The following KIAA0825 variants were observed in gnomAD, a reference collection of about 807,000 sequenced individuals.
KIAA0825 encodes the protein uncharacterized protein KIAA0825.
KIAA0825 carries 119 observed loss-of-function variants against 147.6 expected under a neutral mutation model. The ratio of observed to expected loss-of-function variants is 0.81; its 90% CI spans 0.69 to 0.94. KIAA0825 has a LOEUF of 0.94. Ranked by LOEUF, KIAA0825 falls within the 40% of genes least tolerant of loss-of-function variation. The pLI, the probability that KIAA0825 is intolerant of heterozygous loss-of-function variation, is 0.00. For missense variants in KIAA0825, 1,381 were observed against 1,472.7 expected (o/e 0.94, Z 1.02); for synonymous variants, 470 against 518.1 (o/e 0.91, Z 1.26).
In KIAA0825 at chr5:94,529,681, T is replaced by C. The variant is rs568250157; in HGVS notation, c.132-5583A>G. 2.4e-4 allele frequency among the ~76,000 whole-genome samples: 37 copies of C among 152,216 alleles called. 1 individual carries two copies. The South Asian group carries it at 4.3e-3, about 18-fold the overall frequency. ...GAGAAAGTTTTCCTCTTCACTGCTC[T>C]CTCTACTATTTGAAATTTTATCCTG... On this transcript the variant is annotated intron_variant, in intron 3 of 20. Transcript: ENST00000682413.
At chr5:94,548,792 C>T (rs1162963593) in intron 2 of KIAA0825, among the ~76,000 whole-genome samples, 1 of 151,906 alleles carries the variant, frequency 6.6e-6, no homozygotes, top group African/African-American at 2.4e-5. Context: ...TTGTATCAGA[C>T]AAAATAGATT....
At chr5:94,359,663 G>A (rs2150398292) in intron 20 of KIAA0825, among the ~76,000 whole-genome samples, 1 of 152,310 alleles carries the variant, frequency 6.6e-6, no homozygotes, top group Admixed American at 6.5e-5. Flanking sequence ...CCGTGGGCTT[G>A]AATTATTGCT....
chr5:94,559,363 AC>A (rs770401062), intron 2 of KIAA0825, among the ~76,000 whole-genome samples: 6 of 152,174 alleles, frequency 3.9e-5, no homozygotes, highest in Admixed American at 6.5e-5. Context: ...CTTCCCTCTT[AC>A]GTTTTCTATG....
At chr5:94,472,099 AT>A (rs2150992397) in intron 8 of KIAA0825, among the ~76,000 whole-genome samples, 1 of 152,286 alleles carries the variant, frequency 6.6e-6, no homozygotes, top group East Asian at 1.9e-4. Context: ...CGTTTGCATT[AT>A]TTTTTAAACT....
chr5:94,267,340 A>G (rs1024222793), intron 20 of KIAA0825, among the ~76,000 whole-genome samples: 2 of 152,204 alleles, frequency 1.3e-5, no homozygotes, highest in Admixed American at 6.5e-5. Context: ...GACTCAATCA[A>G]CATATTTATT....
At chr5:94,608,773 A>C (rs1384119547) in intron 1 of KIAA0825, among the ~76,000 whole-genome samples, 1 of 151,540 alleles carries the variant, frequency 6.6e-6, no homozygotes, top group African/African-American at 2.4e-5. Flanking sequence ...TCCAAGCAAA[A>C]ATTAGAATTT....
intron 20 of KIAA0825, among the ~76,000 whole-genome samples, chr5:94,363,365 G>A (rs915473529): frequency 1.3e-5 from 2 of 151,874 alleles, no homozygotes; most frequent in African/African-American, 4.8e-5. Context: ...TCTCTGTTAT[G>A]TTTCTAAATC....
chr5:94,471,329 A>G, intron 9 of KIAA0825, 137 bp downstream of exon 9: 1 of 955,992 alleles, frequency 1.0e-6, no homozygotes. Flanking sequence ...CCTAGTTAAG[A>G]CAAATGAAAA....
chr5:94,405,107 A>G (rs1751878371), intron 15 of KIAA0825, among the ~76,000 whole-genome samples: 1 of 152,214 alleles, frequency 6.6e-6, no homozygotes, highest in Non-Finnish European at 1.5e-5. Context: ...TAAATTGAGA[A>G]TGTGCTTTAG....
intron 3 of KIAA0825, among the ~76,000 whole-genome samples, chr5:94,535,542 T>C (rs1771822262): frequency 6.6e-6 from 1 of 151,474 alleles, no homozygotes; most frequent in Admixed American, 6.6e-5. Flanking sequence ...AAGTACTTTT[T>C]CATCTTTTGC....
intron 20 of KIAA0825, among the ~76,000 whole-genome samples, chr5:94,228,275 T>G (rs1774384702): frequency 6.6e-6 from 1 of 152,328 alleles, no homozygotes; most frequent in South Asian, 2.1e-4. Flanking sequence ...TATGTCATTT[T>G]CTCACCCTTC....
chr5:94,205,494 T>C (rs1295426507), intron 20 of KIAA0825, among the ~76,000 whole-genome samples: 1 of 151,792 alleles, frequency 6.6e-6, no homozygotes, highest in East Asian at 1.9e-4. Flanking sequence ...GGTTTCACCA[T>C]GTTAGCCAGG....
chr5:94,319,894 T>C (rs1780000779), intron 20 of KIAA0825, among the ~76,000 whole-genome samples: 1 of 152,098 alleles, frequency 6.6e-6, no homozygotes, highest in Admixed American at 6.6e-5. Flanking sequence ...ATCTAGTCTC[T>C]GGTTACCTCT....
At chr5:94,585,305 G>T (rs1472188557) in intron 1 of KIAA0825, among the ~76,000 whole-genome samples, 1 of 152,152 alleles carries the variant, frequency 6.6e-6, no homozygotes. Flanking sequence ...CATCTCACGT[G>T]CAAAGACACA....
chr5:94,485,215 G>A (rs1276993403), intron 5 of KIAA0825, among the ~76,000 whole-genome samples: 1 of 150,336 alleles, frequency 6.7e-6, no homozygotes, highest in African/African-American at 2.5e-5. Context: ...CACATCTTAC[G>A]CAATTCTGCT....
At chr5:94,609,193 G>A (rs1788215698) in intron 1 of KIAA0825, among the ~76,000 whole-genome samples, 2 of 152,234 alleles carry the variant, frequency 1.3e-5, no homozygotes, top group South Asian at 4.1e-4. Flanking sequence ...ACATGTGTAA[G>A]GTTGGATTTT....
intron 20 of KIAA0825, among the ~76,000 whole-genome samples, chr5:94,317,715 G>A (rs576491000): frequency 5.9e-5 from 9 of 151,832 alleles, no homozygotes; most frequent in South Asian, 2.1e-4. Context: ...ATCAGCCCTC[G>A]TCCTACAGTT....
intron 20 of KIAA0825, among the ~76,000 whole-genome samples, chr5:94,294,333 A>G (rs1209756712): frequency 6.6e-6 from 1 of 152,218 alleles, no homozygotes. Context: ...GGTGGTGACA[A>G]AATCCCTCAG....
Position 94,527,144 on chromosome 5 carries a change from C to A in KIAA0825, c.132-3046G>T, listed in dbSNP as rs1769461519. Among the ~76,000 whole-genome samples the A allele has an allele frequency of 2.0e-5, 3 of 151,980 alleles. No individual in the cohort carries two copies. In the South Asian group the frequency reaches 6.2e-4, roughly 32 times the overall value. The stretch of plus-strand genomic sequence containing the variant: ...TATGAATTTATTTTTATGGTCACTA[C>A]TACACTCATGCATGTATGGATGTAT... On this transcript the variant is annotated intron_variant, in intron 3 of 20. Coordinates refer to ENST00000682413, the MANE Select transcript of KIAA0825 (RefSeq NM_001145678.3).
Sources: allele counts gnomAD v4.1 joint callset (sites outside exome capture counted in the v4.1 genomes callset), GRCh38; gene constraint gnomAD v4.1.1; transcripts MANE v1.5; gene names NCBI Gene and HGNC (gene_info 2026-07-23, HGNC 2026-07-21).